SHCBP1L: variants seen among roughly 807,000 people sequenced by gnomAD.
SHCBP1L encodes testicular spindle-associated protein SHCBP1L.
SHCBP1L carries 67 observed loss-of-function variants against 62.5 expected under a neutral mutation model. The observed-to-expected ratio is 1.07, with a 90% confidence interval of 0.88 to 1.31. The LOEUF is 1.31. SHCBP1L is among the 40% of genes most tolerant of loss of function. SHCBP1L has a pLI of 0.00. For missense variants in SHCBP1L, 823 were observed against 809.8 expected (o/e 1.02, Z -0.20); for synonymous variants, 284 against 289.4 (o/e 0.98, Z 0.19).
chr1:182,923,070 T>C (rs1202691342), intron 6 of SHCBP1L, among the ~76,000 whole-genome samples: 1 of 151,624 alleles, frequency 6.6e-6, no homozygotes, highest in East Asian at 1.9e-4. Flanking sequence ...ACCACAGAAA[T>C]ACAAAAAAAC....
intron 5 of SHCBP1L, among the ~76,000 whole-genome samples, chr1:182,933,355 G>C (rs1297188041): frequency 6.6e-6 from 1 of 152,106 alleles, no homozygotes; most frequent in Non-Finnish European, 1.5e-5. Context: ...GCTCTGGCTA[G>C]AACCTCCAGT....
At position 182,905,609 on chromosome 1, in the gene SHCBP1L, C is replaced by G; in HGVS notation, c.1223G>C (p.Gly408Ala). 1 of 1,613,652 alleles carries G rather than the reference C, an allele frequency of 6.2e-7. No individual in the cohort carries two copies. Among genetic ancestry groups the G allele is most frequent in the African/African-American group, 1.3e-5 (1 of 74,998 alleles). Residue 408 changes from glycine to alanine, a missense_variant, in exon 7 of 10, where the codon GGT becomes GCT. Coordinates refer to ENST00000367547, the MANE Select transcript of SHCBP1L (RefSeq NM_030933.4). ...LSSDTLLQQHGDLDLALDNCY... is the reference protein window; with the variant it reads ...LSSDTLLQQHADLDLALDNCY... The stretch of plus-strand genomic sequence containing the variant: ...ATTATCCAAAGCCAAATCCAAATCA[C>G]CATGCTGTTGGAGAAGTGTGTCTGA...
At chr1:182,930,727 A>ATATTT (rs1557999584) in intron 5 of SHCBP1L, among the ~76,000 whole-genome samples, 1 of 20,942 alleles carries the variant, frequency 4.8e-5, no homozygotes, top group African/African-American at 1.6e-4. Flanking sequence ...ATATATATGT[A>ATATTT]TTTTTTTTTT....
At chr1:182,915,576 A>C (rs1007018689) in intron 6 of SHCBP1L, among the ~76,000 whole-genome samples, 2 of 152,170 alleles carry the variant, frequency 1.3e-5, no homozygotes, top group African/African-American at 4.8e-5. Context: ...CAACAGTATA[A>C]TCTAACTAGA....
chr1:182,938,229 T>G (rs975298057), intron 5 of SHCBP1L, among the ~76,000 whole-genome samples: 2 of 152,008 alleles, frequency 1.3e-5, no homozygotes, highest in Non-Finnish European at 2.9e-5. Flanking sequence ...TGCCTCAGCC[T>G]CCCGAGTAGC....
intron 6 of SHCBP1L, among the ~76,000 whole-genome samples, chr1:182,920,231 C>T (rs1348993858): frequency 6.6e-6 from 1 of 152,112 alleles, no homozygotes; most frequent in Non-Finnish European, 1.5e-5. Context: ...AGGTGATTAA[C>T]CTTGAGAGGC....
In SHCBP1L at chr1:182,939,504, C is replaced by A; in HGVS notation, c.820G>T (p.Glu274Ter). The change falls in exon 4 of 10, where the codon GAG becomes TAG. Residue 274 changes from glutamate (E) to a stop codon, truncating the protein, a stop_gained. Transcript: ENST00000367547. LOFTEE classifies it high-confidence loss of function. ...TCTTCAATAAGTGCAGTATAATTCT[C>A]ACAACTTTCTTCATCATCCCAGTCT... ...WRDWDDEESC[E>*]NYTALIEERI... 6.2e-7 allele frequency: 1 copy of A among 1,608,990 alleles called. No individual in the cohort carries two copies. The highest frequency in any genetic ancestry group is 1.1e-5 in the South Asian group (1 of 89,878).
At chr1:182,926,223 A>G (rs552604286) in intron 6 of SHCBP1L, among the ~76,000 whole-genome samples, 21 of 152,046 alleles carry the variant, frequency 1.4e-4, no homozygotes, top group African/African-American at 5.1e-4. Flanking sequence ...AAAAGATACC[A>G]AAAAAAAGAA....
chr1:182,937,503 G>A (rs1350305884), intron 5 of SHCBP1L, among the ~76,000 whole-genome samples: 1 of 152,032 alleles, frequency 6.6e-6, no homozygotes, highest in African/African-American at 2.4e-5. Flanking sequence ...TTGATTCTTT[G>A]ATATTTATCC....
intron 9 of SHCBP1L, among the ~76,000 whole-genome samples, chr1:182,902,025 T>C (rs1465398914): frequency 3.3e-5 from 5 of 152,026 alleles, no homozygotes; most frequent in Non-Finnish European, 7.4e-5. Context: ...CTATTTACCA[T>C]TTGTACCTTC....
intron 6 of SHCBP1L, among the ~76,000 whole-genome samples, chr1:182,924,717 A>AAGGG (rs1650634911): frequency 1.0e-4 from 6 of 58,748 alleles, no homozygotes; most frequent in Middle Eastern, 6.1e-3. Flanking sequence ...AGAAAGAAAG[A>AAGGG]AAGAAAGAAA....
chr1:182,901,804 A>C (rs1447542925), intron 9 of SHCBP1L, among the ~76,000 whole-genome samples: 1 of 152,158 alleles, frequency 6.6e-6, no homozygotes, highest in African/African-American at 2.4e-5. Flanking sequence ...ATGATTCTTA[A>C]AGTGTGAGTT....
chr1:182,939,437 G>A (rs1353774869), intron 4 of SHCBP1L, 30 bp downstream of exon 4: 1 of 1,605,740 alleles, frequency 6.2e-7, no homozygotes, highest in African/African-American at 1.3e-5. Context: ...TTTTTCTAAT[G>A]TGCGGTATAA....
chr1:182,936,752 C>A (rs1651189534), intron 5 of SHCBP1L, among the ~76,000 whole-genome samples: 1 of 151,762 alleles, frequency 6.6e-6, no homozygotes, highest in African/African-American at 2.4e-5. Context: ...GATCAATCAA[C>A]AATAAGAAAA....
chr1:182,933,333 T>G (rs569903373), intron 5 of SHCBP1L, among the ~76,000 whole-genome samples: 2 of 152,342 alleles, frequency 1.3e-5, no homozygotes, highest in Admixed American at 6.5e-5. Context: ...TATTTCTTTT[T>G]CTTGCCTAAT....
intron 3 of SHCBP1L, 90 bp from the exon 4 acceptor site, chr1:182,939,643 C>A: frequency 1.1e-6 from 1 of 946,870 alleles, no homozygotes; most frequent in Admixed American, 3.1e-5. Context: ...GAATTCTCTA[C>A]CTCAATCTTA....
Position 182,952,235 on chromosome 1 carries a change from T to TACACACACAC in SHCBP1L, c.405+484_405+493dup, listed in dbSNP as rs68031715. Among the ~76,000 whole-genome samples the TACACACACAC allele has an allele frequency of 3.3e-4, 14 of 42,842 alleles. 1 individual carries two copies. The highest frequency in any genetic ancestry group is 1.6e-3 in the African/African-American group (14 of 8,756). 28.1% of individuals were successfully genotyped at this position (42,842 alleles called of 152,430 possible). On this transcript the variant is annotated intron_variant, in intron 1 of 9. Coordinates refer to ENST00000367547, the MANE Select transcript of SHCBP1L (RefSeq NM_030933.4). ...ATATATATATATATATATATATATA[T>TACACACACAC]ACACACACACACACACACACACACA...
At chr1:182,952,191 A>T (rs12754346) in intron 1 of SHCBP1L, among the ~76,000 whole-genome samples, 3 of 24,246 alleles carry the variant, frequency 1.2e-4, no homozygotes, top group Non-Finnish European at 1.5e-4. Flanking sequence ...AAAAAAAAAA[A>T]ATATATATAT....
intron 2 of SHCBP1L, chr1:182,942,088 A>C (rs1651388797): frequency 1.1e-6 from 1 of 892,922 alleles, no homozygotes. Flanking sequence ...CACTGATAAG[A>C]CATGGTATAT....
Sources: allele counts gnomAD v4.1 joint callset (sites outside exome capture counted in the v4.1 genomes callset), GRCh38; gene constraint gnomAD v4.1.1; transcripts MANE v1.5; gene names NCBI Gene and HGNC (gene_info 2026-07-23, HGNC 2026-07-21).